GRIN3A: variants seen among roughly 807,000 people sequenced by gnomAD.
GRIN3A encodes the protein glutamate receptor ionotropic, NMDA 3A.
Under a neutral mutation model 92.4 loss-of-function variants are expected in GRIN3A, and 47 were observed. The ratio of observed to expected loss-of-function variants is 0.51; its 90% CI spans 0.40 to 0.65. The LOEUF (loss-of-function observed/expected upper bound fraction) is 0.65, where lower values mean the gene tolerates loss of function less well. Ranked by LOEUF, GRIN3A falls within the 30% of genes least tolerant of loss-of-function variation. The pLI, the probability that GRIN3A is intolerant of heterozygous loss-of-function variation, is 0.00. For missense variants in GRIN3A, 1,324 were observed against 1,393.1 expected, an observed-to-expected ratio of 0.95 and a Z score of 0.79; for synonymous variants, 527 against 540.6, an observed-to-expected ratio of 0.97 and a Z score of 0.35.
intron 3 of GRIN3A, among the ~76,000 whole-genome samples, chr9:101,665,975 A>T (rs1829232114): frequency 6.6e-6 from 1 of 151,886 alleles, no homozygotes; most frequent in Non-Finnish European, 1.5e-5. Context: ...AACCACTGAC[A>T]AGAAGGTAGG....
intron 6 of GRIN3A, among the ~76,000 whole-genome samples, chr9:101,599,170 T>A (rs1488060222): frequency 6.6e-6 from 1 of 152,234 alleles, no homozygotes; most frequent in Non-Finnish European, 1.5e-5. Context: ...TACCTACACA[T>A]GCTTCATCTA....
intron 1 of GRIN3A, among the ~76,000 whole-genome samples, chr9:101,731,460 A>C (rs1419426263): frequency 1.3e-5 from 2 of 152,202 alleles, no homozygotes; most frequent in African/African-American, 4.8e-5. Context: ...AATTCTTCCT[A>C]AATCTATGCT....
rs1829313955 is a variant in GRIN3A, at chr9:101,671,104, A to C, written c.1308T>G (p.Phe436Leu). 6.2e-7 allele frequency: 1 copy of C among 1,612,326 alleles called. No individual in the cohort carries two copies. The highest frequency in any genetic ancestry group is 1.3e-5 in the African/African-American group (1 of 74,894). ...NLTSGQYLSR[F>L]LANTTFRGLS... is the part of the protein sequence containing the mutation. ...GGCCTCTGAAAGTGGTATTGGCTAG[A>C]AACCTGGGAAAGAGGAGCAAAGGCA... Residue 436 changes from phenylalanine (F) to leucine (L), a missense_variant, in exon 3 of 9, where the codon TTT becomes TTG. By Grantham distance (22) the Phe-to-Leu change is conservative. Transcript: ENST00000361820.
chr9:101,724,071 G>C (rs1830050610), intron 1 of GRIN3A, among the ~76,000 whole-genome samples: 1 of 152,210 alleles, frequency 6.6e-6, no homozygotes, highest in East Asian at 1.9e-4. Flanking sequence ...TCCTGCACCG[G>C]GGCTGCAGGT....
chr9:101,682,720 C>T (rs962473872), intron 2 of GRIN3A, among the ~76,000 whole-genome samples: 26 of 152,240 alleles, frequency 1.7e-4, no homozygotes, highest in African/African-American at 6.0e-4. Flanking sequence ...TGGTGGCTCA[C>T]GCCTGTAATC....
intron 3 of GRIN3A, among the ~76,000 whole-genome samples, chr9:101,658,760 G>GTCTGTCTATCTATCTATCTA (rs540493017): frequency 4.0e-5 from 6 of 151,336 alleles, no homozygotes; most frequent in African/African-American, 1.2e-4. Context: ...CTGTCTATCT[G>GTCTGTCTATCTATCTATCTA]TCTATCTATC....
At chr9:101,701,361 T>A (rs1342139974) in intron 1 of GRIN3A, among the ~76,000 whole-genome samples, 5 of 152,182 alleles carry the variant, frequency 3.3e-5, no homozygotes, top group Admixed American at 6.6e-5. Context: ...TATCCTGATC[T>A]TCTCCCTCCT....
At chr9:101,622,528 T>C (rs1351644809) in intron 5 of GRIN3A, among the ~76,000 whole-genome samples, 1 of 152,164 alleles carries the variant, frequency 6.6e-6, no homozygotes, top group Non-Finnish European at 1.5e-5. Flanking sequence ...TTTGATTGAT[T>C]GGGAGATCAC....
At chr9:101,591,822 T>TTTTGTGGC (rs1828030411) in intron 6 of GRIN3A, 1 of 152,204 alleles carries the variant, frequency 6.6e-6, no homozygotes, top group African/African-American at 2.4e-5. Flanking sequence ...AAGCCTTAGG[T>TTTTGTGGC]AACTATCTTG....
At chr9:101,708,128 T>A (rs1013872170) in intron 1 of GRIN3A, among the ~76,000 whole-genome samples, 18 of 151,916 alleles carry the variant, frequency 1.2e-4, no homozygotes, top group African/African-American at 3.9e-4. Flanking sequence ...GCAAAATGAG[T>A]TAGTTGCTGA....
intron 3 of GRIN3A, among the ~76,000 whole-genome samples, chr9:101,634,328 G>A (rs1433762312): frequency 6.0e-4 from 52 of 86,800 alleles, no homozygotes; most frequent in African/African-American, 1.8e-3. Context: ...GTGAGACTCC[G>A]TCTCAAAAAA....
chr9:101,712,758 A>G (rs774451092), intron 1 of GRIN3A, among the ~76,000 whole-genome samples: 52 of 152,220 alleles, frequency 3.4e-4, no homozygotes, highest in Non-Finnish European at 7.5e-4. Context: ...AACAGAATAA[A>G]AAATATGAGA....
chr9:101,735,738 T>C (rs1830196118), intron 1 of GRIN3A, among the ~76,000 whole-genome samples: 1 of 151,920 alleles, frequency 6.6e-6, no homozygotes, highest in Admixed American at 6.6e-5. Context: ...ATGCACCCTA[T>C]GGATGCAATT....
intron 6 of GRIN3A, among the ~76,000 whole-genome samples, chr9:101,612,762 T>C (rs1215560241): frequency 6.6e-6 from 1 of 152,244 alleles, no homozygotes; most frequent in African/African-American, 2.4e-5. Context: ...AAAGTCAGTG[T>C]ACTGCAATAG....
At chr9:101,690,235 T>C (rs1482772569) in intron 1 of GRIN3A, among the ~76,000 whole-genome samples, 1 of 152,202 alleles carries the variant, frequency 6.6e-6, no homozygotes, top group South Asian at 2.1e-4. Context: ...TGTAGCTATA[T>C]TATTTTTCAT....
intron 1 of GRIN3A, among the ~76,000 whole-genome samples, chr9:101,699,819 T>C (rs1433486932): frequency 1.3e-5 from 2 of 152,204 alleles, no homozygotes; most frequent in South Asian, 2.1e-4. Flanking sequence ...TCTGATGACC[T>C]TCAAAGCCAT....
At chr9:101,595,600 G>T (rs993709878) in intron 6 of GRIN3A, among the ~76,000 whole-genome samples, 2 of 152,138 alleles carry the variant, frequency 1.3e-5, no homozygotes, top group African/African-American at 2.4e-5. Context: ...TTTTCAGGAC[G>T]TAGGATTCAG....
At chr9:101,632,723 G>C (rs1390442626) in intron 3 of GRIN3A, among the ~76,000 whole-genome samples, 1 of 152,012 alleles carries the variant, frequency 6.6e-6, no homozygotes, top group Non-Finnish European at 1.5e-5. Context: ...ATCAGAAAAG[G>C]GATCTAAGAA....
At chr9:101,676,645 C>T (rs1346790595) in intron 2 of GRIN3A, among the ~76,000 whole-genome samples, 1 of 151,954 alleles carries the variant, frequency 6.6e-6, no homozygotes, top group Non-Finnish European at 1.5e-5. Flanking sequence ...AACATTCTCT[C>T]AAACTCCCTT....
Sources: gnomAD v4.1 joint callset for allele counts (sites outside exome capture counted in the v4.1 genomes callset) on GRCh38, gnomAD v4.1.1 for gene constraint, MANE v1.5 for transcripts, NCBI Gene and HGNC (gene_info 2026-07-23, HGNC 2026-07-21) for gene names.